EFNA2: variants seen among roughly 807,000 people sequenced by gnomAD.
EFNA2 encodes the protein ephrin-A2.
EFNA2 carries 18 observed loss-of-function variants against 19.7 expected under a neutral mutation model. The observed-to-expected ratio is 0.91, with a 90% confidence interval of 0.63 to 1.35. EFNA2 has a LOEUF of 1.35. Among genes scored for constraint, EFNA2 ranks in the 40% most tolerant of loss-of-function variants. The probability of loss-of-function intolerance (pLI) is 0.00; values close to 1 mark genes in which losing one functional copy is unlikely to be tolerated. For synonymous variants in EFNA2, 187 were observed against 137.8 expected (o/e 1.36, Z -2.50); for missense variants, 303 against 296.0 (o/e 1.02, Z -0.17).
rs2081535451 is a variant in EFNA2, at chr19:1,300,240, G to GCT, written c.*295_*296insCT. 1.1e-5 allele frequency: 1 copy of GCT among 88,056 alleles called. No homozygotes were observed. Among genetic ancestry groups the GCT allele is most frequent in the Non-Finnish European group, 2.2e-5 (1 of 45,086 alleles). 5.5% of individuals were successfully genotyped at this position (88,056 alleles called of 1,614,324 possible). A position where few individuals can be genotyped will look rare whatever the true frequency, so the allele number is the denominator to read the frequency against. On this transcript the variant is annotated 3_prime_UTR_variant, in exon 4 of 4. Transcript: ENST00000215368. ...TCGGAGAACCCGGGAACCTCTTGGC[G>GCT]ATTTTTTTTTTTTTTTTTTTTTTTT...
chr19:1,292,307 C>T (rs1388863222), intron 1 of EFNA2, among the ~76,000 whole-genome samples: 2 of 152,216 alleles, frequency 1.3e-5, no homozygotes, highest in Non-Finnish European at 2.9e-5. Flanking sequence ...CAGGCAGAGC[C>T]GGGGGTGGGG....
In EFNA2 at chr19:1,295,751, G is replaced by A; in HGVS notation, c.347G>A (p.Arg116Gln). ...QRGFKRWECNRPAAPGGPLKF... is the reference protein window; with the variant it reads ...QRGFKRWECNQPAAPGGPLKF... ...GGCTTCAAGCGCTGGGAGTGCAACCGGCCCGCGGCGCCCGGGGGGCCGCTC... is the reference window on the plus strand; with the variant it reads ...GGCTTCAAGCGCTGGGAGTGCAACCAGCCCGCGGCGCCCGGGGGGCCGCTC... The change falls in exon 2 of 4, where the codon CGG becomes CAG. Residue 116 changes from arginine to glutamine, a missense_variant. Physicochemically the swap from Arg to Gln is conservative, Grantham distance 43. Transcript: ENST00000215368. This position sits in a 1 kb window ranked among gnomAD's most constrained non-coding sequence, Gnocchi z 5.8. 1 of 1,605,516 alleles carries A rather than the reference G, an allele frequency of 6.2e-7. No individual in the cohort carries two copies. The highest frequency in any genetic ancestry group is 8.5e-7 in the Non-Finnish European group (1 of 1,177,070).
In EFNA2 at chr19:1,300,084, G is replaced by A. The variant is rs1337117158; in HGVS notation, c.*139G>A. The A allele has an allele frequency of 5.6e-6, 7 of 1,246,956 alleles. No homozygotes were observed. The highest frequency in any genetic ancestry group is 2.8e-5 in the East Asian group (1 of 36,330). The allele number at this position is 1,246,956 out of a possible 1,614,324, so 77.2% of individuals were successfully genotyped here. On this transcript the variant is annotated 3_prime_UTR_variant, in exon 4 of 4. Transcript: ENST00000215368. ...TTCTCCCTCGCCTGGTGCCGCCCCC[G>A]CCGGGCAGGGGCCATCCACCCGCCC...
chr19:1,293,542 A>G (rs1489334548), intron 1 of EFNA2, among the ~76,000 whole-genome samples: 5 of 152,216 alleles, frequency 3.3e-5, no homozygotes, highest in Non-Finnish European at 7.3e-5. Flanking sequence ...CCAAGGGTTC[A>G]AATCCAGACG....
Position 1,298,602 on chromosome 19 carries a change from A to C in EFNA2, c.506A>C (p.Tyr169Ser). ...VDRPCLRLKV[Y>S]VRPTNETLYE... ...CGGCCCTGCCTGCGACTGAAGGTGT[A>C]CGTGCGGCCGACCAGTAAGTGCTCA... Residue 169 changes from tyrosine to serine, a missense_variant, in exon 3 of 4, where the codon TAC (tyrosine) becomes TCC (serine). Tyr to Ser is a moderately radical substitution (Grantham distance 144, BLOSUM62 -2). Coordinates refer to ENST00000215368, the MANE Select transcript of EFNA2 (RefSeq NM_001405.4). 1.9e-6 allele frequency: 3 copies of C among 1,613,916 alleles called. No homozygotes were observed. Among genetic ancestry groups the C allele is most frequent in the Non-Finnish European group, 2.5e-6 (3 of 1,179,950 alleles).
At chr19:1,293,879 G>A (rs115786003) in intron 1 of EFNA2, among the ~76,000 whole-genome samples, 1,760 of 152,340 alleles carry the variant, frequency 0.012, 34 homozygotes, top group African/African-American at 0.041. Context: ...AGGAACCCCC[G>A]GCCCCGCCTG....
At chr19:1,289,811 G>A (rs750209464) in intron 1 of EFNA2, among the ~76,000 whole-genome samples, 4 of 152,210 alleles carry the variant, frequency 2.6e-5, no homozygotes, top group Admixed American at 6.5e-5. Flanking sequence ...GGTGAACGGG[G>A]TGTCTCGCTC....
At chr19:1,289,572 G>A (rs1049550537) in intron 1 of EFNA2, among the ~76,000 whole-genome samples, 12 of 152,224 alleles carry the variant, frequency 7.9e-5, no homozygotes, top group Non-Finnish European at 1.8e-4. Flanking sequence ...TGTGGTCCCC[G>A]GGAGTCCCCA....
rs1328747915 is a variant in EFNA2, at chr19:1,296,018, G to A, written c.454+160G>A. ...GGGCCAGGGGGGAGTGGGCGGGGCC[G>A]CGGAATGGGGCCAGGGGGGAGTGGG... On this transcript the variant is annotated intron_variant, in intron 2 of 3. Transcript: ENST00000215368. The surrounding 1 kb of genome is among the most constrained non-coding windows in gnomAD (Gnocchi z 4.4). Among the ~76,000 whole-genome samples, 2 of 138,750 alleles carry A rather than the reference G, an allele frequency of 1.4e-5. No individual in the cohort carries two copies. The highest frequency in any genetic ancestry group is 5.3e-5 in the African/African-American group (2 of 37,956). 91.0% of individuals were successfully genotyped at this position (138,750 alleles called of 152,430 possible).
chr19:1,290,554 G>T (rs147266859), intron 1 of EFNA2, among the ~76,000 whole-genome samples: 1 of 152,184 alleles, frequency 6.6e-6, no homozygotes, highest in Non-Finnish European at 1.5e-5. Context: ...ATGGGGGTCC[G>T]GGTGGTAGCG....
intron 3 of EFNA2, 41 bp downstream of exon 3, chr19:1,298,657 C>T: frequency 6.2e-7 from 1 of 1,606,844 alleles, no homozygotes; most frequent in Non-Finnish European, 8.5e-7. Flanking sequence ...GGCCCCCACC[C>T]CTGTGTCCTA....
Position 1,286,270 on chromosome 19 carries a change from G to A in EFNA2, c.102G>A (p.Ser34=). The change falls in exon 1 of 4, where the codon TCG becomes TCA. Residue 34 remains serine (S), a synonymous_variant. Transcript: ENST00000215368. This position sits in a 1 kb window ranked among gnomAD's most constrained non-coding sequence, Gnocchi z 5.6. ...ARAEDAARAN[S]DRYAVYWNRS... ...CCGAGGACGCCGCCCGCGCCAACTC[G>A]GACCGCTACGCCGTCTACTGGAACC... The A allele has an allele frequency of 9.0e-7, 1 of 1,111,822 alleles. No individual in the cohort carries two copies. Among genetic ancestry groups the A allele is most frequent in the South Asian group, 2.1e-5 (1 of 48,582 alleles). The allele number at this position is 1,111,822 out of a possible 1,614,324, so 68.9% of individuals were successfully genotyped here.
intron 3 of EFNA2, among the ~76,000 whole-genome samples, chr19:1,299,386 G>A (rs1179998113): frequency 2.6e-5 from 4 of 151,786 alleles, no homozygotes; most frequent in Non-Finnish European, 5.9e-5. Flanking sequence ...GTGAAACCCC[G>A]TCTCTGCTGA....
At chr19:1,285,113 A>C (rs548121294), upstream of EFNA2, among the ~76,000 whole-genome samples, 1 of 152,224 alleles carries the variant, frequency 6.6e-6, no homozygotes, top group Non-Finnish European at 1.5e-5. This position sits in a 1 kb window ranked among gnomAD's most constrained non-coding sequence, Gnocchi z 4.1. Context: ...AGCAGAGGCC[A>C]GGCCCCCAGT....
chr19:1,288,632 G>T (rs892520734), intron 1 of EFNA2, among the ~76,000 whole-genome samples: 17 of 152,096 alleles, frequency 1.1e-4, no homozygotes, highest in Non-Finnish European at 2.2e-4. Flanking sequence ...GTCGCCGGCC[G>T]CCCCTTCCGC....
intron 1 of EFNA2, among the ~76,000 whole-genome samples, chr19:1,289,582 A>T (rs1225481716): frequency 6.6e-6 from 1 of 152,116 alleles, no homozygotes; most frequent in African/African-American, 2.4e-5. Context: ...GGGAGTCCCC[A>T]CCTTCTGATT....
chr19:1,284,479 A>T (rs901820247), upstream of EFNA2, among the ~76,000 whole-genome samples: 1 of 152,258 alleles, frequency 6.6e-6, no homozygotes, highest in African/African-American at 2.4e-5. This position sits in a 1 kb window ranked among gnomAD's most constrained non-coding sequence, Gnocchi z 5.3. Flanking sequence ...TGGGTGGGAC[A>T]GACCTTTCTG....
intron 2 of EFNA2, among the ~76,000 whole-genome samples, chr19:1,298,314 A>AC (rs1568870526): frequency 1.3e-5 from 2 of 151,866 alleles, no homozygotes; most frequent in African/African-American, 4.8e-5. Context: ...AAACACAGAC[A>AC]CCCCCAGGTT....
chr19:1,291,751 T>C (rs934394683), intron 1 of EFNA2, among the ~76,000 whole-genome samples: 2 of 152,146 alleles, frequency 1.3e-5, no homozygotes, highest in Non-Finnish European at 2.9e-5. Context: ...GTCGCTTAGC[T>C]ATTAGCGTCT....
Sources: allele counts gnomAD v4.1 joint callset (sites outside exome capture counted in the v4.1 genomes callset), GRCh38; gene constraint gnomAD v4.1.1; non-coding constraint Gnocchi (gnomAD v3.1); transcripts MANE v1.5; gene names NCBI Gene and HGNC (gene_info 2026-07-23, HGNC 2026-07-21).